XPR1: variants seen among roughly 807,000 people sequenced by gnomAD.
XPR1 encodes xenotropic and polytropic retrovirus receptor 1.
XPR1 carries 28 observed loss-of-function variants against 87.5 expected under a neutral mutation model. The observed-to-expected ratio is 0.32, with a 90% confidence interval of 0.24 to 0.44. The LOEUF (loss-of-function observed/expected upper bound fraction) is 0.44. Ranked by LOEUF, XPR1 falls within the 20% of genes least tolerant of loss-of-function variation. The pLI, the probability that XPR1 is intolerant of heterozygous loss-of-function variation, is 1.00. For synonymous variants in XPR1, 300 were observed against 306.1 expected, an observed-to-expected ratio of 0.98 and a Z score of 0.21; for missense variants, 559 against 862.3, an observed-to-expected ratio of 0.65 and a Z score of 4.41.
At chr1:180,730,157 A>G (rs775296986) in intron 2 of XPR1, among the ~76,000 whole-genome samples, 33 of 152,112 alleles carry the variant, frequency 2.2e-4, no homozygotes, top group Non-Finnish European at 2.9e-4. Context: ...TCCTTTCCCC[A>G]TTGCTTGTTT....
At chr1:180,711,179 A>G (rs1422550676) in intron 2 of XPR1, among the ~76,000 whole-genome samples, 231 of 116,138 alleles carry the variant, frequency 2.0e-3, no homozygotes, top group Middle Eastern at 5.2e-3. Context: ...ATGGGCGGCC[A>G]GGCAGAGACG....
chr1:180,767,084 G>A (rs1410650956), intron 2 of XPR1, among the ~76,000 whole-genome samples: 1 of 152,120 alleles, frequency 6.6e-6, no homozygotes, highest in African/African-American at 2.4e-5. Flanking sequence ...ACTTGACCAA[G>A]TTCTTGTTAG....
chr1:180,786,476 A>G (rs919324087), intron 2 of XPR1, among the ~76,000 whole-genome samples: 2 of 152,146 alleles, frequency 1.3e-5, no homozygotes, highest in African/African-American at 4.8e-5. Context: ...CAGGAATAGG[A>G]TAGTTCTGTA....
intron 1 of XPR1, among the ~76,000 whole-genome samples, chr1:180,670,104 A>C (rs1656114354): frequency 6.6e-6 from 1 of 151,910 alleles, no homozygotes; most frequent in Non-Finnish European, 1.5e-5. Context: ...CCATCCTTTC[A>C]CTTTCAATTT....
intron 14 of XPR1, among the ~76,000 whole-genome samples, chr1:180,883,653 G>A (rs1365942582): frequency 6.7e-6 from 1 of 148,712 alleles, no homozygotes; most frequent in African/African-American, 2.5e-5. Flanking sequence ...AGGTTGCAGT[G>A]AGCTGAGATT....
intron 1 of XPR1, among the ~76,000 whole-genome samples, chr1:180,675,380 CAT>C (rs1228728029): frequency 6.6e-6 from 1 of 152,168 alleles, no homozygotes; most frequent in Non-Finnish European, 1.5e-5. Context: ...ATAAGGATAA[CAT>C]AGAGTAGCTA....
chr1:180,820,417 T>C (rs192327523), intron 7 of XPR1, among the ~76,000 whole-genome samples: 1 of 152,360 alleles, frequency 6.6e-6, no homozygotes, highest in East Asian at 1.9e-4. Context: ...TGGCGTAATG[T>C]TTTCAAGGTT....
At position 180,886,071 on chromosome 1, in the gene XPR1, G is replaced by A. The variant is rs1031629100; in HGVS notation, c.*2005G>A. On this transcript the variant is annotated 3_prime_UTR_variant, in exon 15 of 15. Transcript: ENST00000367590. ...AGCATGTCCCTTGGCCCAAATGGAA[G>A]AGGAAATGTTTAATTAATGCTTTTT... The A allele has an allele frequency of 6.6e-6, 1 of 152,154 alleles. No homozygotes were observed. The highest frequency in any genetic ancestry group is 2.4e-5 in the African/African-American group (1 of 41,458). The allele number at this position is 152,154 out of a possible 1,614,324, so 9.4% of individuals were successfully genotyped here. A position where few individuals can be genotyped will look rare whatever the true frequency, so the allele number is the denominator to read the frequency against.
At chr1:180,680,712 T>G (rs996715600) in intron 1 of XPR1, among the ~76,000 whole-genome samples, 4 of 152,112 alleles carry the variant, frequency 2.6e-5, no homozygotes, top group Non-Finnish European at 5.9e-5. Context: ...TACTGGGCAT[T>G]TATCCAAAGG....
chr1:180,673,194 G>T (rs1329634679), intron 1 of XPR1, among the ~76,000 whole-genome samples: 5 of 152,062 alleles, frequency 3.3e-5, no homozygotes, highest in African/African-American at 7.2e-5. Flanking sequence ...GATTAGAGAT[G>T]ATCTAATATG....
chr1:180,636,335 AAGTAT>A (rs1346980058), intron 1 of XPR1, among the ~76,000 whole-genome samples: 2 of 152,224 alleles, frequency 1.3e-5, no homozygotes, highest in Middle Eastern at 3.2e-3. Flanking sequence ...TTGTAAATCA[AAGTAT>A]AGTATAGTGT....
chr1:180,791,476 C>T (rs184709760), intron 3 of XPR1, among the ~76,000 whole-genome samples: 185 of 152,208 alleles, frequency 1.2e-3, no homozygotes, highest in African/African-American at 4.4e-3. Flanking sequence ...GGGGTTTCAC[C>T]ATGTTGGCCA....
At chr1:180,829,507 G>GCT (rs1248058048) in intron 9 of XPR1, among the ~76,000 whole-genome samples, 3 of 152,100 alleles carry the variant, frequency 2.0e-5, no homozygotes, top group Non-Finnish European at 2.9e-5. Context: ...TGATGTTTAT[G>GCT]CTCTCCCTCT....
chr1:180,669,743 C>T (rs756485328), intron 1 of XPR1, among the ~76,000 whole-genome samples: 5 of 152,100 alleles, frequency 3.3e-5, no homozygotes, highest in Non-Finnish European at 5.9e-5. Context: ...TAGTACCAAA[C>T]CCTATAGGTA....
intron 2 of XPR1, among the ~76,000 whole-genome samples, chr1:180,748,400 CTTTT>C (rs71297873): frequency 3.8e-3 from 111 of 29,588 alleles, no homozygotes; most frequent in Non-Finnish European, 6.2e-3. Flanking sequence ...TTATTTATGT[CTTTT>C]TTTTTTTTTT....
chr1:180,844,009 G>A (rs955253793), intron 11 of XPR1, among the ~76,000 whole-genome samples: 3 of 152,102 alleles, frequency 2.0e-5, no homozygotes, highest in Non-Finnish European at 2.9e-5. Context: ...TCAGGAGTTC[G>A]AGACCAGCCT....
intron 2 of XPR1, among the ~76,000 whole-genome samples, chr1:180,775,371 C>T (rs1009556770): frequency 6.6e-6 from 1 of 151,922 alleles, no homozygotes; most frequent in Non-Finnish European, 1.5e-5. Flanking sequence ...ATCCCTTGAG[C>T]CCAGGAGTTT....
intron 3 of XPR1, among the ~76,000 whole-genome samples, chr1:180,801,785 A>ATT (rs542465078): frequency 0.077 from 11,219 of 145,148 alleles, 473 homozygotes; most frequent in African/African-American, 0.096. Flanking sequence ...GTCCCTTGGC[A>ATT]TTTTTTTTTT....
intron 2 of XPR1, among the ~76,000 whole-genome samples, chr1:180,759,331 GT>G (rs1300548902): frequency 6.6e-6 from 1 of 152,234 alleles, no homozygotes; most frequent in African/African-American, 2.4e-5. Flanking sequence ...CCAGGAGCTG[GT>G]TTTTTGAAAG....
Sources: gnomAD v4.1 joint callset for allele counts (sites outside exome capture counted in the v4.1 genomes callset) on GRCh38, gnomAD v4.1.1 for gene constraint, MANE v1.5 for transcripts, NCBI Gene and HGNC (gene_info 2026-07-23, HGNC 2026-07-21) for gene names.